Variants in TBX20 observed in about 807,000 individuals in gnomAD.
TBX20 encodes T-box transcription factor 20.
A neutral mutation model predicts 42.9 loss-of-function variants in TBX20; 8 were observed. That is an observed-to-expected ratio of 0.19 (90% CI 0.11 to 0.34). The LOEUF (loss-of-function observed/expected upper bound fraction) is 0.34, where lower values mean the gene tolerates loss of function less well. TBX20 is among the 10% of genes least tolerant of loss of function. The pLI is 1.00. For missense variants in TBX20, 411 were observed against 566.0 expected (o/e 0.73, Z 2.78); for synonymous variants, 198 against 222.8 (o/e 0.89, Z 0.99).
intron 5 of TBX20, among the ~76,000 whole-genome samples, chr7:35,235,565 A>G (rs1789948880): frequency 6.6e-6 from 1 of 152,262 alleles, no homozygotes; most frequent in Non-Finnish European, 1.5e-5. Flanking sequence ...ATCAAGAGAA[A>G]ACACTAACAA....
At chr7:35,207,886 C>CT (rs1488873479) in intron 6 of TBX20, among the ~76,000 whole-genome samples, 1 of 152,072 alleles carries the variant, frequency 6.6e-6, no homozygotes. Flanking sequence ...TATTAGTACT[C>CT]TATCTTTTTT....
intron 6 of TBX20, among the ~76,000 whole-genome samples, chr7:35,208,599 G>C (rs1202002724): frequency 6.6e-6 from 1 of 151,800 alleles, no homozygotes; most frequent in Admixed American, 6.6e-5. Context: ...AAAATCAGCT[G>C]GGCATGATGG....
chr7:35,239,978 G>A (rs966519414), intron 5 of TBX20, among the ~76,000 whole-genome samples: 3 of 152,072 alleles, frequency 2.0e-5, no homozygotes, highest in Non-Finnish European at 4.4e-5. Flanking sequence ...TCGAACTCCT[G>A]ACCTCAGGTG....
rs1026795218 is a variant in TBX20, at chr7:35,249,346, G to A, written c.381-505C>T. ...TAGTCCCAAGAGCTAGAGCCACCAA[G>A]TTTTGCCAGCCTCTGCCCCATCCCA... On this transcript the variant is annotated intron_variant, in intron 2 of 7. Coordinates refer to ENST00000408931, the MANE Select transcript of TBX20 (RefSeq NM_001077653.2). This position sits in a 1 kb window ranked among gnomAD's most constrained non-coding sequence, Gnocchi z 4.3. 6.6e-6 allele frequency among the ~76,000 whole-genome samples: 1 copy of A among 152,204 alleles called. No homozygotes were observed. The highest frequency in any genetic ancestry group is 2.4e-5 in the African/African-American group (1 of 41,458).
intron 6 of TBX20, among the ~76,000 whole-genome samples, chr7:35,208,786 C>T (rs533601774): frequency 7.9e-4 from 51 of 64,798 alleles, no homozygotes; most frequent in South Asian, 7.8e-3. Context: ...AAAAAAAGAA[C>T]AGACATCAAT....
intron 3 of TBX20, among the ~76,000 whole-genome samples, chr7:35,247,148 G>A (rs1207554109): frequency 7.8e-6 from 1 of 127,742 alleles, no homozygotes; most frequent in Non-Finnish European, 1.6e-5. Context: ...TAACTTCTTA[G>A]AGGAAAGACT....
At chr7:35,223,252 T>G (rs1031225352) in intron 6 of TBX20, among the ~76,000 whole-genome samples, 3 of 151,040 alleles carry the variant, frequency 2.0e-5, no homozygotes. Flanking sequence ...TGTGGAGGAG[T>G]GTGGTTAGGC....
intron 6 of TBX20, among the ~76,000 whole-genome samples, chr7:35,219,186 G>A (rs1006700998): frequency 2.6e-5 from 4 of 152,118 alleles, no homozygotes; most frequent in Admixed American, 6.5e-5. Flanking sequence ...TCCTCTTACA[G>A]AATGTGGGTC....
chr7:35,235,426 G>A (rs113169946), intron 5 of TBX20, among the ~76,000 whole-genome samples: 55,409 of 151,660 alleles, frequency 0.37, 10,398 homozygotes, highest in Admixed American at 0.46. Flanking sequence ...AACAAATCAC[G>A]TTTATCAAAA....
intron 6 of TBX20, among the ~76,000 whole-genome samples, chr7:35,207,441 TTC>T (rs1468941048): frequency 6.6e-6 from 1 of 152,230 alleles, no homozygotes; most frequent in African/African-American, 2.4e-5. Context: ...GGCTTGCGTT[TTC>T]TCTTTCCTAA....
chr7:35,237,475 T>C (rs2908051), intron 5 of TBX20, among the ~76,000 whole-genome samples: 4,787 of 151,962 alleles, frequency 0.032, 242 homozygotes, highest in African/African-American at 0.11. Context: ...TGTCAGAATA[T>C]GCTTAAAGAG....
At chr7:35,221,546 A>C (rs1789684709) in intron 6 of TBX20, among the ~76,000 whole-genome samples, 1 of 152,188 alleles carries the variant, frequency 6.6e-6, no homozygotes, top group African/African-American at 2.4e-5. Flanking sequence ...ATTAGCTTTT[A>C]TTCCACAATA....
chr7:35,242,514 T>A (rs1465834157), intron 4 of TBX20, among the ~76,000 whole-genome samples: 8 of 151,896 alleles, frequency 5.3e-5, no homozygotes, highest in Admixed American at 4.6e-4. Flanking sequence ...GAAAAAAAAA[T>A]TAACATTCAT....
chr7:35,246,460 T>C (rs986148654), intron 3 of TBX20, among the ~76,000 whole-genome samples: 3 of 152,192 alleles, frequency 2.0e-5, no homozygotes, highest in African/African-American at 7.2e-5. Flanking sequence ...CTAAAGTTGA[T>C]GAAATGTTCC....
At chr7:35,207,975 A>G (rs967899810) in intron 6 of TBX20, among the ~76,000 whole-genome samples, 9 of 152,176 alleles carry the variant, frequency 5.9e-5, no homozygotes, top group African/African-American at 2.2e-4. Flanking sequence ...TCTACAAAAA[A>G]GACTCCTGTG....
At chr7:35,226,404 C>CAAA (rs375521286) in intron 6 of TBX20, among the ~76,000 whole-genome samples, 1 of 81,074 alleles carries the variant, frequency 1.2e-5, no homozygotes, top group Non-Finnish European at 2.7e-5. Flanking sequence ...GTGAACAATC[C>CAAA]AAAAAAAAAA....
At chr7:35,207,320 T>C (rs902516124) in intron 6 of TBX20, among the ~76,000 whole-genome samples, 11 of 152,238 alleles carry the variant, frequency 7.2e-5, no homozygotes, top group African/African-American at 2.2e-4. Flanking sequence ...CTGTTAATAA[T>C]CTGTTTAAAA....
chr7:35,220,191 G>A (rs1472771164), intron 6 of TBX20, among the ~76,000 whole-genome samples: 1 of 152,152 alleles, frequency 6.6e-6, no homozygotes, highest in African/African-American at 2.4e-5. Flanking sequence ...AAATAAACAA[G>A]GCTTCTGTTG....
chr7:35,236,353 C>T (rs920958083), intron 5 of TBX20, among the ~76,000 whole-genome samples: 2 of 151,380 alleles, frequency 1.3e-5, no homozygotes, highest in Non-Finnish European at 2.9e-5. Context: ...TAATACTATA[C>T]CTAGTATATA....
Sources: allele counts gnomAD v4.1 joint callset (sites outside exome capture counted in the v4.1 genomes callset), GRCh38; gene constraint gnomAD v4.1.1; non-coding constraint Gnocchi (gnomAD v3.1); transcripts MANE v1.5; gene names NCBI Gene and HGNC (gene_info 2026-07-23, HGNC 2026-07-21).